The following SPEF2 variants were observed in gnomAD, a reference collection of about 807,000 sequenced individuals.
SPEF2 encodes the protein sperm flagella and cilia-associated protein 2.
Under a neutral mutation model 224.6 loss-of-function variants are expected in SPEF2, and 187 were observed. The ratio of observed to expected loss-of-function variants is 0.83; its 90% confidence interval spans 0.74 to 0.94. SPEF2 has a LOEUF of 0.94. Ranked by LOEUF, SPEF2 falls within the 40% of genes least tolerant of loss-of-function variation. The pLI is 0.00. For synonymous variants in SPEF2, 715 were observed against 707.3 expected, an observed-to-expected ratio of 1.01 and a Z score of -0.17; for missense variants, 2,170 against 2,135.6, an observed-to-expected ratio of 1.02 and a Z score of -0.32.
intron 2 of SPEF2, among the ~76,000 whole-genome samples, chr5:35,637,350 C>G (rs1429094321): frequency 2.0e-5 from 3 of 152,132 alleles, no homozygotes; most frequent in Non-Finnish European, 4.4e-5. Context: ...TGGAGGTTCT[C>G]ACTCTGCCAT....
At chr5:35,675,244 G>C (rs1168235117) in intron 10 of SPEF2, among the ~76,000 whole-genome samples, 1 of 152,064 alleles carries the variant, frequency 6.6e-6, no homozygotes, top group African/African-American at 2.4e-5. Flanking sequence ...TCATTCCTTT[G>C]AATTAAGACA....
At chr5:35,810,054 C>T (rs117364217) in intron 36 of SPEF2, among the ~76,000 whole-genome samples, 3 of 152,236 alleles carry the variant, frequency 2.0e-5, no homozygotes, top group East Asian at 3.9e-4. Context: ...AATATCTTCA[C>T]TCTGAGCAGA....
rs780366355 is a variant in SPEF2 at position 35,707,476 on chromosome 5, T to C, written c.2666-1472T>C. 1.5e-4 allele frequency among the ~76,000 whole-genome samples: 23 copies of C among 152,200 alleles called. 1 individual carries two copies. The highest frequency in any genetic ancestry group is 3.2e-4 in the Non-Finnish European group (22 of 68,032). On this transcript the variant is annotated intron_variant, in intron 18 of 36. Coordinates refer to ENST00000356031, the MANE Select transcript of SPEF2 (RefSeq NM_024867.4). ...CACTTCAAAAGAACATCTAATAGAA[T>C]GAAGCCTCCTAGCTTGCTGAATTGA... is the stretch of plus-strand genomic sequence containing the variant.
chr5:35,806,298 A>C (rs1758045641), intron 34 of SPEF2, among the ~76,000 whole-genome samples: 2 of 152,198 alleles, frequency 1.3e-5, no homozygotes, highest in African/African-American at 2.4e-5. Flanking sequence ...AATGTTTCTG[A>C]AGCTCTTAGA....
chr5:35,761,925 A>T (rs928985016), intron 25 of SPEF2, among the ~76,000 whole-genome samples: 2 of 152,182 alleles, frequency 1.3e-5, no homozygotes, highest in Admixed American at 1.3e-4. Context: ...TACCTACTGG[A>T]ACTATCAGTC....
At chr5:35,716,622 A>G (rs1158979007) in intron 20 of SPEF2, among the ~76,000 whole-genome samples, 1 of 152,142 alleles carries the variant, frequency 6.6e-6, no homozygotes, top group Non-Finnish European at 1.5e-5. Context: ...CTTTTATTTT[A>G]CTATTATATT....
intron 14 of SPEF2, 53 bp from the exon 15 acceptor site, chr5:35,697,637 G>T (rs759998624): frequency 2.1e-6 from 3 of 1,440,052 alleles, no homozygotes; most frequent in South Asian, 1.2e-5. Flanking sequence ...CAAATGTTTG[G>T]AATTTGACTT....
At chr5:35,753,506 G>T in intron 23 of SPEF2, 118 bp from the exon 24 acceptor site, 1 of 1,317,312 alleles carries the variant, frequency 7.6e-7, no homozygotes, top group Non-Finnish European at 1.1e-6. Context: ...GAGTGCAATT[G>T]GTGTAAAATT....
At chr5:35,788,688 A>G (rs1478458575) in intron 30 of SPEF2, 2 of 703,036 alleles carry the variant, frequency 2.8e-6, no homozygotes, top group Admixed American at 2.0e-5. Flanking sequence ...GATGGTACCC[A>G]TAGCATAGAG....
At chr5:35,657,106 T>A (rs1297477881) in intron 7 of SPEF2, among the ~76,000 whole-genome samples, 1 of 152,238 alleles carries the variant, frequency 6.6e-6, no homozygotes, top group Non-Finnish European at 1.5e-5. Context: ...AATTACTTGC[T>A]GCTTTTCACA....
chr5:35,775,315 T>C (rs1753454447), intron 28 of SPEF2, among the ~76,000 whole-genome samples: 1 of 151,448 alleles, frequency 6.6e-6, no homozygotes, highest in East Asian at 1.9e-4. Context: ...ATGAGGGGAG[T>C]TCCTGACTTA....
chr5:35,761,247 A>C (rs1019042349), intron 25 of SPEF2, among the ~76,000 whole-genome samples: 4 of 152,220 alleles, frequency 2.6e-5, no homozygotes, highest in Non-Finnish European at 5.9e-5. Flanking sequence ...AAATAAATTA[A>C]GACAATTTAT....
intron 19 of SPEF2, among the ~76,000 whole-genome samples, chr5:35,711,628 C>T (rs1254979907): frequency 6.8e-6 from 1 of 146,254 alleles, no homozygotes; most frequent in Non-Finnish European, 1.5e-5. Flanking sequence ...CTCCCTCCCT[C>T]CCTCGCTATC....
intron 16 of SPEF2, among the ~76,000 whole-genome samples, chr5:35,702,509 G>A (rs917769906): frequency 4.6e-5 from 7 of 152,154 alleles, no homozygotes; most frequent in African/African-American, 1.2e-4. Flanking sequence ...TAGGTTTTGA[G>A]TTCAGGCATC....
chr5:35,719,456 G>T (rs1743211833), intron 20 of SPEF2, among the ~76,000 whole-genome samples: 1 of 152,066 alleles, frequency 6.6e-6, no homozygotes, highest in Non-Finnish European at 1.5e-5. Flanking sequence ...AGGCCTTTTG[G>T]ATTGGTTTTG....
chr5:35,770,256 A>G (rs1752644817), intron 26 of SPEF2, among the ~76,000 whole-genome samples: 2 of 152,142 alleles, frequency 1.3e-5, no homozygotes, highest in Non-Finnish European at 2.9e-5. Flanking sequence ...GCATATATTT[A>G]TAAAGTACAC....
chr5:35,786,862 G>A (rs1371029598), intron 30 of SPEF2, among the ~76,000 whole-genome samples: 5 of 152,152 alleles, frequency 3.3e-5, no homozygotes, highest in Non-Finnish European at 7.3e-5. Context: ...ACATTATTTA[G>A]TTCTAGTCAG....
At chr5:35,654,821 C>A in intron 7 of SPEF2, 95 bp downstream of exon 7, 1 of 1,035,368 alleles carries the variant, frequency 9.7e-7, no homozygotes, top group Non-Finnish European at 1.3e-6. Context: ...TATGTATTGT[C>A]TGCTACTCTG....
rs772587928 is a variant in SPEF2 at position 35,705,676 on chromosome 5, C to A, written c.2533C>A (p.Pro845Thr). The A allele has an allele frequency of 1.3e-6, 2 of 1,586,874 alleles. No homozygotes were observed. Among genetic ancestry groups the A allele is most frequent in the Non-Finnish European group, 1.7e-6 (2 of 1,171,846 alleles). The change falls in exon 18 of 37, where the codon CCT becomes ACT. Residue 845 changes from proline to threonine, a missense_variant. By Grantham distance (38) the Pro-to-Thr change is conservative. Coordinates refer to ENST00000356031, the MANE Select transcript of SPEF2 (RefSeq NM_024867.4). ...AATTATAGGCTTCTTGGACAACTGG[C>A]CTTTATTGGAGCAATGGTTTTCAGA... The part of the protein sequence containing the change: ...HRIIGFLDNW[P>T]LLEQWFSEPE...
Sources: allele counts gnomAD v4.1 joint callset (sites outside exome capture counted in the v4.1 genomes callset), GRCh38; gene constraint gnomAD v4.1.1; transcripts MANE v1.5; gene names NCBI Gene and HGNC (gene_info 2026-07-23, HGNC 2026-07-21).